Variants in GPC5 observed in about 807,000 individuals in gnomAD.
The protein encoded by GPC5 is glypican-5.
In GPC5, 47 loss-of-function variants were observed where a neutral mutation model predicts 53.9. That is an observed-to-expected ratio of 0.87 (90% CI 0.69 to 1.11). GPC5 has a LOEUF of 1.11. GPC5 is among the 50% of genes most tolerant of loss of function. GPC5 has a pLI of 0.00. For synonymous variants in GPC5, 286 were observed against 263.3 expected (o/e 1.09, Z -0.84); for missense variants, 748 against 713.1 (o/e 1.05, Z -0.56).
intron 7 of GPC5, among the ~76,000 whole-genome samples, chr13:92,227,677 G>A (rs964829626): frequency 6.6e-6 from 1 of 151,902 alleles, no homozygotes; most frequent in Non-Finnish European, 1.5e-5. Context: ...AGGTAATATA[G>A]TTCACCCTTG....
chr13:91,799,390 C>G (rs950749225), intron 5 of GPC5, among the ~76,000 whole-genome samples: 12 of 152,100 alleles, frequency 7.9e-5, no homozygotes, highest in Admixed American at 6.6e-4. Context: ...CTTATGCTGA[C>G]CACTCGGGCA....
At chr13:92,758,615 C>G (rs1875014846) in intron 7 of GPC5, among the ~76,000 whole-genome samples, 1 of 152,024 alleles carries the variant, frequency 6.6e-6, no homozygotes, top group Non-Finnish European at 1.5e-5. Context: ...AGCCATTTAG[C>G]CAGAAGATGA....
chr13:92,367,260 A>G (rs2043613868), intron 7 of GPC5, among the ~76,000 whole-genome samples: 1 of 152,170 alleles, frequency 6.6e-6, no homozygotes, highest in Non-Finnish European at 1.5e-5. Context: ...TTTATGTTCC[A>G]TGTTATTTTG....
At chr13:91,578,226 A>G (rs1466495904) in intron 2 of GPC5, among the ~76,000 whole-genome samples, 2 of 152,216 alleles carry the variant, frequency 1.3e-5, no homozygotes, top group Non-Finnish European at 2.9e-5. Context: ...TTCAAATGAT[A>G]GCTCTCCTGG....
At chr13:91,794,625 T>G (rs1023753387) in intron 5 of GPC5, among the ~76,000 whole-genome samples, 2 of 152,194 alleles carry the variant, frequency 1.3e-5, no homozygotes, top group Non-Finnish European at 2.9e-5. Context: ...AATTTGCTAA[T>G]AAATAAGTGA....
At chr13:92,238,538 A>C (rs2042586633) in intron 7 of GPC5, among the ~76,000 whole-genome samples, 1 of 152,024 alleles carries the variant, frequency 6.6e-6, no homozygotes, top group South Asian at 2.1e-4. Context: ...GCCCTTTTTA[A>C]AAACTGGGTT....
chr13:92,665,917 G>A (rs1886551200), intron 7 of GPC5, among the ~76,000 whole-genome samples: 1 of 152,016 alleles, frequency 6.6e-6, no homozygotes, highest in African/African-American at 2.4e-5. Flanking sequence ...CATATTATCT[G>A]GCACCCCACC....
intron 4 of GPC5, among the ~76,000 whole-genome samples, chr13:91,751,206 A>C (rs999620059): frequency 6.6e-6 from 1 of 152,182 alleles, no homozygotes; most frequent in African/African-American, 2.4e-5. Flanking sequence ...AACCCATCTT[A>C]ATAATAACAC....
intron 7 of GPC5, among the ~76,000 whole-genome samples, chr13:92,859,392 T>C (rs1478902444): frequency 6.6e-6 from 1 of 152,168 alleles, no homozygotes; most frequent in Non-Finnish European, 1.5e-5. Context: ...TCTCTTTGTC[T>C]TTGGTACTGC....
chr13:92,598,291 G>A (rs749648799), intron 7 of GPC5, among the ~76,000 whole-genome samples: 22 of 152,278 alleles, frequency 1.4e-4, no homozygotes, highest in Non-Finnish European at 2.8e-4. Flanking sequence ...AATGCAAATT[G>A]TTGCTAGGGA....
At chr13:91,889,651 C>G (rs1260033996) in intron 5 of GPC5, among the ~76,000 whole-genome samples, 2 of 152,044 alleles carry the variant, frequency 1.3e-5, no homozygotes, top group Non-Finnish European at 2.9e-5. Flanking sequence ...AAAGATAAAT[C>G]ATCGCTATAA....
At chr13:92,684,495 T>C (rs923745270) in intron 7 of GPC5, among the ~76,000 whole-genome samples, 20 of 152,028 alleles carry the variant, frequency 1.3e-4, no homozygotes, top group African/African-American at 1.9e-4. Flanking sequence ...GGTCTCGAAC[T>C]CCTGACCTCG....
chr13:92,602,220 A>AATATATATATTACATATATATAAAT (rs1884086848), intron 7 of GPC5, among the ~76,000 whole-genome samples: 1 of 110,238 alleles, frequency 9.1e-6, no homozygotes, highest in Non-Finnish European at 1.8e-5. Context: ...CATATATATA[A>AATATATATATTACATATATATAAAT]ATATATATAT....
intron 7 of GPC5, among the ~76,000 whole-genome samples, chr13:92,295,314 A>C (rs1313196704): frequency 6.6e-6 from 1 of 151,990 alleles, no homozygotes; most frequent in African/African-American, 2.4e-5. Context: ...ATTTCTATGT[A>C]TTTGCATGGT....
intron 3 of GPC5, among the ~76,000 whole-genome samples, chr13:91,700,201 T>C (rs1227743921): frequency 6.6e-6 from 1 of 152,138 alleles, no homozygotes; most frequent in African/African-American, 2.4e-5. Flanking sequence ...CTGAGGTGAT[T>C]AGCAGTGGTG....
chr13:92,094,656 C>T (rs2041407923), intron 6 of GPC5, among the ~76,000 whole-genome samples: 2 of 151,868 alleles, frequency 1.3e-5, no homozygotes, highest in South Asian at 4.1e-4. Context: ...TTGCTTGGCC[C>T]CCAAACATTT....
chr13:92,217,934 T>G (rs1220243200), intron 7 of GPC5, among the ~76,000 whole-genome samples: 1 of 147,594 alleles, frequency 6.8e-6, no homozygotes, highest in Non-Finnish European at 1.5e-5. Flanking sequence ...TTTTTTTTTT[T>G]TTAGGCAGGG....
chr13:92,674,740 A>C (rs1258708814), intron 7 of GPC5, among the ~76,000 whole-genome samples: 2 of 152,172 alleles, frequency 1.3e-5, no homozygotes, highest in Non-Finnish European at 2.9e-5. Flanking sequence ...TGCAAAGTAC[A>C]CAAAGGAAAT....
chr13:91,873,145 A>G (rs2039165506), intron 5 of GPC5, among the ~76,000 whole-genome samples: 1 of 152,214 alleles, frequency 6.6e-6, no homozygotes, highest in Non-Finnish European at 1.5e-5. Flanking sequence ...GAAAATCTAG[A>G]AAATATTGAA....
Sources: gnomAD v4.1 joint callset for allele counts (sites outside exome capture counted in the v4.1 genomes callset) on GRCh38, gnomAD v4.1.1 for gene constraint, MANE v1.5 for transcripts, NCBI Gene and HGNC (gene_info 2026-07-23, HGNC 2026-07-21) for gene names.